Variants in FAM81B observed in about 807,000 individuals in gnomAD.
The protein encoded by FAM81B is family with sequence similarity 81 member B.
Under a neutral mutation model 58.7 loss-of-function variants are expected in FAM81B, and 60 were observed. The observed-to-expected ratio is 1.02, with a 90% CI of 0.83 to 1.27. FAM81B has a LOEUF of 1.27. Ranked by LOEUF, FAM81B falls within the 50% of genes most tolerant of loss-of-function variation. The probability of loss-of-function intolerance (pLI) is 0.00; values close to 1 mark genes in which losing one functional copy is unlikely to be tolerated. For synonymous variants in FAM81B, 189 were observed against 179.6 expected, an observed-to-expected ratio of 1.05 and a Z score of -0.42; for missense variants, 491 against 522.0, an observed-to-expected ratio of 0.94 and a Z score of 0.58.
intron 4 of FAM81B, among the ~76,000 whole-genome samples, chr5:95,417,581 T>C (rs1467266358): frequency 6.6e-6 from 1 of 152,264 alleles, no homozygotes; most frequent in African/African-American, 2.4e-5. Flanking sequence ...TTAGTACTTT[T>C]AAATTTTGTT....
At chr5:95,419,651 G>A (rs1308663411) in intron 4 of FAM81B, among the ~76,000 whole-genome samples, 5 of 152,080 alleles carry the variant, frequency 3.3e-5, no homozygotes, top group Non-Finnish European at 7.4e-5. Flanking sequence ...ATAAAGATGT[G>A]ACTAACAACA....
At chr5:95,446,425 C>T in intron 7 of FAM81B, 137 bp from the exon 8 acceptor site, 3 of 828,964 alleles carry the variant, frequency 3.6e-6, no homozygotes, top group South Asian at 1.9e-5. Context: ...TTGCCTCTGG[C>T]ACCTCCCACA....
chr5:95,398,699 C>A (rs1762028425), intron 3 of FAM81B, among the ~76,000 whole-genome samples: 1 of 152,110 alleles, frequency 6.6e-6, no homozygotes, highest in Middle Eastern at 3.2e-3. Context: ...GCGTTTGGAG[C>A]CATTCTAGCA....
chr5:95,396,018 T>G (rs1418846683), intron 2 of FAM81B, 93 bp from the exon 3 acceptor site: 2 of 980,552 alleles, frequency 2.0e-6, no homozygotes, highest in Non-Finnish European at 3.1e-6. Flanking sequence ...GTATACATTT[T>G]GTTTAAAATT....
intron 5 of FAM81B, among the ~76,000 whole-genome samples, chr5:95,423,744 T>A (rs901952896): frequency 6.6e-6 from 1 of 152,004 alleles, no homozygotes; most frequent in Non-Finnish European, 1.5e-5. Flanking sequence ...AACAAAAAAC[T>A]CCATCTTTAA....
At chr5:95,402,587 C>T (rs192551586) in intron 3 of FAM81B, among the ~76,000 whole-genome samples, 1 of 152,328 alleles carries the variant, frequency 6.6e-6, no homozygotes, top group Admixed American at 6.5e-5. Context: ...AGGCAAATAG[C>T]TTTGCATAGC....
intron 5 of FAM81B, among the ~76,000 whole-genome samples, chr5:95,428,332 A>T (rs902696679): frequency 3.0e-4 from 46 of 152,218 alleles, no homozygotes; most frequent in African/African-American, 8.2e-4. Flanking sequence ...CTGAAAATGT[A>T]AAAATTCCCT....
chr5:95,436,738 T>G, intron 6 of FAM81B, 62 bp from the exon 7 acceptor site: 1 of 1,049,868 alleles, frequency 9.5e-7, no homozygotes, highest in Non-Finnish European at 1.5e-6. Context: ...AGGAATAAAG[T>G]ATATTAATGT....
chr5:95,428,511 C>A, intron 5 of FAM81B, 92 bp from the exon 6 acceptor site: 1 of 1,472,896 alleles, frequency 6.8e-7, no homozygotes. Context: ...GACTTTAGAA[C>A]TTTGGCCATC....
intron 3 of FAM81B, among the ~76,000 whole-genome samples, chr5:95,403,622 T>TG (rs1405424895): frequency 9.9e-5 from 15 of 152,234 alleles, no homozygotes; most frequent in African/African-American, 3.1e-4. Flanking sequence ...AGCAGCCAGG[T>TG]GGTTTTTTTT....
chr5:95,409,228 G>A (rs1037206473), intron 3 of FAM81B, among the ~76,000 whole-genome samples: 19 of 152,076 alleles, frequency 1.2e-4, no homozygotes, highest in Middle Eastern at 3.4e-3. Context: ...CCTCAATCTC[G>A]GCTCACTGCA....
intron 4 of FAM81B, among the ~76,000 whole-genome samples, chr5:95,417,739 T>G (rs1011811955): frequency 2.0e-5 from 3 of 152,190 alleles, no homozygotes; most frequent in Admixed American, 2.0e-4. Context: ...TAAATACTCC[T>G]ATGATTTCAA....
At position 95,433,376 on chromosome 5, in the gene FAM81B, A is replaced by T. The variant is rs1184978146; in HGVS notation, c.787-3424A>T. ...AGAACTCACTCACTATAATGAGAATAGCAGCATGCAGGTAATTGCCCCCAT... is the reference window on the plus strand; with the variant it reads ...AGAACTCACTCACTATAATGAGAATTGCAGCATGCAGGTAATTGCCCCCAT... On this transcript the variant is annotated intron_variant, in intron 6 of 9. Transcript: ENST00000283357. 3.3e-5 allele frequency among the ~76,000 whole-genome samples: 5 copies of T among 152,288 alleles called. No individual in the cohort carries two copies. The South Asian group carries it at 8.3e-4, about 25-fold the overall frequency.
At chr5:95,402,743 A>AGT (rs1295854358) in intron 3 of FAM81B, among the ~76,000 whole-genome samples, 5 of 152,326 alleles carry the variant, frequency 3.3e-5, no homozygotes, top group Admixed American at 2.6e-4. Context: ...GACATTAGCC[A>AGT]ATAGCACCTC....
intron 7 of FAM81B, among the ~76,000 whole-genome samples, chr5:95,442,151 AAGT>A (rs931586615): frequency 2.0e-5 from 3 of 152,216 alleles, no homozygotes; most frequent in African/African-American, 7.2e-5. Flanking sequence ...ATTGAAATAG[AAGT>A]AGAAGCCAAT....
Position 95,448,339 on chromosome 5 carries a change from C to A in FAM81B, c.1100C>A (p.Thr367Lys), listed in dbSNP as rs947043521. The change falls in exon 9 of 10, where the codon ACA becomes AAA. Residue 367 changes from threonine to lysine, a missense_variant. Thr to Lys is a moderately conservative substitution (Grantham distance 78). Coordinates refer to ENST00000283357, the MANE Select transcript of FAM81B (RefSeq NM_152548.3). ...LSSKVENFIN[T>K]QKQETQLSKV... is the part of the protein sequence containing the mutation. ...AGCAAAGTAGAGAATTTCATTAACA[C>A]ACAGAAACAGGAAACACAACTAAGT... 1.9e-6 allele frequency: 3 copies of A among 1,611,790 alleles called. No homozygotes were observed. The highest frequency in any genetic ancestry group is 2.5e-6 in the Non-Finnish European group (3 of 1,179,432).
intron 1 of FAM81B, 34 bp from the exon 2 acceptor site, chr5:95,392,760 G>A: frequency 6.4e-7 from 1 of 1,567,400 alleles, no homozygotes; most frequent in Non-Finnish European, 8.7e-7. Context: ...ACTTGTCATA[G>A]TTCCTGACCT....
chr5:95,424,003 G>T (rs1762757366), intron 5 of FAM81B: 1 of 1,288,646 alleles, frequency 7.8e-7, no homozygotes, highest in Non-Finnish European at 1.0e-6. Context: ...CAGCCGGGAG[G>T]TATAGCCAAG....
Position 95,428,651 on chromosome 5 carries a change from G to T in FAM81B, c.705G>T (p.Arg235Ser). The T allele has an allele frequency of 1.2e-6, 2 of 1,613,996 alleles. No homozygotes were observed. The highest frequency in any genetic ancestry group is 1.1e-5 in the South Asian group (1 of 91,088). Residue 235 changes from arginine to serine, a missense_variant, in exon 6 of 10, where the codon AGG (arginine) becomes AGT (serine). Physicochemically the swap from Arg to Ser is moderately radical, Grantham distance 110. Transcript: ENST00000283357. The stretch of plus-strand genomic sequence containing the variant: ...TTTCTGGAGACATTCACTTATTCAG[G>T]CAAGAGCACCGGCAAATTGAGAAAG... ...VKLSGDIHLFRQEHRQIEKAI... is the reference protein window; with the variant it reads ...VKLSGDIHLFSQEHRQIEKAI...
Sources: gnomAD v4.1 joint callset for allele counts (sites outside exome capture counted in the v4.1 genomes callset) on GRCh38, gnomAD v4.1.1 for gene constraint, MANE v1.5 for transcripts, NCBI Gene and HGNC (gene_info 2026-07-23, HGNC 2026-07-21) for gene names.